Variants in ADAM2 observed in about 807,000 individuals in gnomAD.
ADAM2 encodes ADAM metallopeptidase domain 2.
A neutral mutation model predicts 99.3 loss-of-function variants in ADAM2; 101 were observed. The ratio of observed to expected loss-of-function variants is 1.02; its 90% CI spans 0.87 to 1.20. The LOEUF (loss-of-function observed/expected upper bound fraction) is 1.20. Ranked by LOEUF, ADAM2 falls within the 50% of genes most tolerant of loss-of-function variation. The probability of loss-of-function intolerance (pLI) is 0.00; values close to 1 mark genes in which losing one functional copy is unlikely to be tolerated. For synonymous variants in ADAM2, 323 were observed against 287.6 expected, an observed-to-expected ratio of 1.12 and a Z score of -1.25; for missense variants, 948 against 878.7, an observed-to-expected ratio of 1.08 and a Z score of -1.00.
chr8:39,833,727 A>C (rs1805707092), intron 3 of ADAM2, among the ~76,000 whole-genome samples: 2 of 152,138 alleles, frequency 1.3e-5, no homozygotes, highest in Non-Finnish European at 2.9e-5. Flanking sequence ...CCAAATAAAA[A>C]TTTGGTGCTA....
Position 39,761,297 on chromosome 8 carries a change from T to C in ADAM2, c.1508-16A>G, listed in dbSNP as rs1413435559. The C allele has an allele frequency of 6.7e-7, 1 of 1,493,872 alleles. No individual in the cohort carries two copies. The highest frequency in any genetic ancestry group is 2.3e-5 in the East Asian group (1 of 43,662). The allele number at this position is 1,493,872 out of a possible 1,614,324, so 92.5% of individuals were successfully genotyped here. A position where few individuals can be genotyped will look rare whatever the true frequency, so the allele number is the denominator to read the frequency against. ...AACTCTACTTCTGAAAATAAAAAGGTGAGGTTAGTCATATTAAACTTATAT... is the reference window on the plus strand; with the variant it reads ...AACTCTACTTCTGAAAATAAAAAGGCGAGGTTAGTCATATTAAACTTATAT... On this transcript the variant is annotated splice_polypyrimidine_tract_variant and intron_variant, in intron 14 of 20. Coordinates refer to ENST00000265708, the MANE Select transcript of ADAM2 (RefSeq NM_001464.5).
intron 11 of ADAM2, among the ~76,000 whole-genome samples, chr8:39,773,021 C>G (rs1409842533): frequency 6.6e-6 from 1 of 151,570 alleles, no homozygotes; most frequent in Non-Finnish European, 1.5e-5. Context: ...AAATGAAAAA[C>G]AAAGAAAGAC....
chr8:39,819,438 T>C (rs1279737900), intron 6 of ADAM2, among the ~76,000 whole-genome samples: 2 of 152,026 alleles, frequency 1.3e-5, no homozygotes, highest in African/African-American at 4.8e-5. Context: ...TGATGTGATA[T>C]TGGTGTGATG....
At position 39,787,015 on chromosome 8, in the gene ADAM2, C is replaced by A; in HGVS notation, c.850G>T (p.Gly284Trp). The A allele has an allele frequency of 6.3e-7, 1 of 1,591,774 alleles. No homozygotes were observed. The highest frequency in any genetic ancestry group is 8.6e-7 in the Non-Finnish European group (1 of 1,168,644). Residue 284 changes from glycine (G) to tryptophan (W), a missense_variant, in exon 10 of 21, where the codon GGG becomes TGG. Gly to Trp is a radical substitution (Grantham distance 184). Coordinates refer to ENST00000265708, the MANE Select transcript of ADAM2 (RefSeq NM_001464.5). ...GCATAGTTTGCATCACACATCTTCC[C>A]TTGAAAGGTTGCACCAACATAATTT... ...KSNYVGATFQ[G>W]KMCDANYAGG...
intron 7 of ADAM2, among the ~76,000 whole-genome samples, chr8:39,806,585 G>A (rs572979064): frequency 9.1e-4 from 137 of 150,808 alleles, no homozygotes; most frequent in Admixed American, 2.0e-3. Context: ...TTTTATTAGA[G>A]GTAAAACTTG....
chr8:39,816,590 A>G (rs940140670), intron 6 of ADAM2, among the ~76,000 whole-genome samples: 2 of 152,240 alleles, frequency 1.3e-5, no homozygotes, highest in Non-Finnish European at 2.9e-5. Flanking sequence ...CACGAGTGGT[A>G]TATTTATACC....
At chr8:39,832,965 T>C (rs772371600) in intron 3 of ADAM2, among the ~76,000 whole-genome samples, 1 of 152,178 alleles carries the variant, frequency 6.6e-6, no homozygotes, top group Non-Finnish European at 1.5e-5. Context: ...TTAATTCAGA[T>C]ATTCTTATAT....
rs1324408531 is a variant in ADAM2, at chr8:39,749,350, C to T, written c.1976G>A (p.Gly659Asp). The stretch of plus-strand genomic sequence containing the variant: ...TGGTATAGCTACAGGTGGAAAATTG[C>T]CACTGTCAATACTCCCACCAGGCCA... ...DLWPGGSIDS[G>D]NFPPVAIPAR... Residue 659 changes from glycine (G) to aspartate (D), a missense_variant, in exon 18 of 21, where the codon GGC (glycine) becomes GAC (aspartate). Coordinates refer to ENST00000265708, the MANE Select transcript of ADAM2 (RefSeq NM_001464.5). The T allele has an allele frequency of 6.2e-7, 1 of 1,612,796 alleles. No homozygotes were observed. Among genetic ancestry groups the T allele is most frequent in the Non-Finnish European group, 8.5e-7 (1 of 1,179,236 alleles).
chr8:39,794,106 G>T (rs1803837297), intron 7 of ADAM2, among the ~76,000 whole-genome samples: 1 of 152,090 alleles, frequency 6.6e-6, no homozygotes, highest in Admixed American at 6.6e-5. Flanking sequence ...AGTTTTGTGT[G>T]TTACTGTATC....
intron 15 of ADAM2, among the ~76,000 whole-genome samples, chr8:39,758,259 C>A (rs2129583509): frequency 6.6e-6 from 1 of 151,936 alleles, no homozygotes; most frequent in East Asian, 1.9e-4. Context: ...AAAGGGCCAC[C>A]ATATCTGAAA....
chr8:39,799,540 T>C (rs376652293), intron 7 of ADAM2, among the ~76,000 whole-genome samples: 1 of 152,220 alleles, frequency 6.6e-6, no homozygotes, highest in African/African-American at 2.4e-5. Context: ...TCTGTAGACA[T>C]CTACTAGGTT....
At chr8:39,748,895 A>T (rs1453561898) in intron 18 of ADAM2, among the ~76,000 whole-genome samples, 1 of 152,080 alleles carries the variant, frequency 6.6e-6, no homozygotes, top group African/African-American at 2.4e-5. Context: ...CCCTGACCAT[A>T]GTTATATATC....
chr8:39,823,444 G>A (rs1377117378), intron 4 of ADAM2, among the ~76,000 whole-genome samples: 4 of 151,904 alleles, frequency 2.6e-5, no homozygotes, highest in African/African-American at 9.7e-5. Flanking sequence ...AAGGCAGCAT[G>A]TTTTTACTAC....
At chr8:39,820,117 C>A (rs1346421042) in intron 6 of ADAM2, among the ~76,000 whole-genome samples, 1 of 152,024 alleles carries the variant, frequency 6.6e-6, no homozygotes, top group Non-Finnish European at 1.5e-5. Flanking sequence ...TCTTGGTGAC[C>A]ATGTATATGA....
chr8:39,782,412 T>C (rs1381842810), intron 10 of ADAM2, among the ~76,000 whole-genome samples: 1 of 152,166 alleles, frequency 6.6e-6, no homozygotes, highest in Non-Finnish European at 1.5e-5. Context: ...TCTCAAATCA[T>C]AAAACAAGGT....
chr8:39,772,499 A>C (rs567843071), intron 11 of ADAM2, among the ~76,000 whole-genome samples: 1 of 152,098 alleles, frequency 6.6e-6, no homozygotes. Flanking sequence ...AATGGAAGCC[A>C]CTGTGTAGAA....
intron 14 of ADAM2, among the ~76,000 whole-genome samples, chr8:39,765,362 T>G (rs2129584002): frequency 6.6e-6 from 1 of 152,188 alleles, no homozygotes; most frequent in South Asian, 2.1e-4. Flanking sequence ...AAGACTCAAA[T>G]AAATAAAATC....
intron 12 of ADAM2, 48 bp downstream of exon 12, chr8:39,769,344 T>C (rs748734239): frequency 1.4e-6 from 2 of 1,435,776 alleles, no homozygotes; most frequent in Admixed American, 2.0e-5. Context: ...AATTAATAAG[T>C]AATTTTTGCT....
At position 39,806,678 on chromosome 8, in the gene ADAM2, C is replaced by T. The variant is rs74903058; in HGVS notation, c.570+2732G>A. Among the ~76,000 whole-genome samples, 273 of 152,084 alleles carry T rather than the reference C, an allele frequency of 1.8e-3. 6 individuals carry two copies. The East Asian group carries it at 0.047, about 26-fold the overall frequency. ...TGAGTGGCATTGTGCCTCCTGACTG[C>T]TTACCCTGAAATGCAAAATGATAGA... On this transcript the variant is annotated intron_variant, in intron 7 of 20. Transcript: ENST00000265708.
Sources: allele counts gnomAD v4.1 joint callset (sites outside exome capture counted in the v4.1 genomes callset), GRCh38; gene constraint gnomAD v4.1.1; transcripts MANE v1.5; gene names NCBI Gene and HGNC (gene_info 2026-07-23, HGNC 2026-07-21).